The following TAF8 variants were observed in gnomAD, a reference collection of about 807,000 sequenced individuals.
TAF8 encodes the protein transcription initiation factor TFIID subunit 8.
Under a neutral mutation model 36.5 loss-of-function variants are expected in TAF8, and 47 were observed. The ratio of observed to expected loss-of-function variants is 1.29; its 90% CI spans 1.02 to 1.64. The LOEUF is 1.64. TAF8 is among the 40% of genes most tolerant of loss of function. The pLI, the probability that TAF8 is intolerant of heterozygous loss-of-function variation, is 0.00. For synonymous variants in TAF8, 175 were observed against 159.5 expected (o/e 1.10, Z -0.73); for missense variants, 420 against 407.6 (o/e 1.03, Z -0.26).
chr6:42,069,875 A>G (rs1765505225), intron 7 of TAF8, among the ~76,000 whole-genome samples: 1 of 152,152 alleles, frequency 6.6e-6, no homozygotes, highest in African/African-American at 2.4e-5. Flanking sequence ...AAGAACCAGC[A>G]TGGAGGTGGG....
chr6:42,074,216 C>G (rs924649149), intron 7 of TAF8, among the ~76,000 whole-genome samples: 1 of 152,174 alleles, frequency 6.6e-6, no homozygotes, highest in African/African-American at 2.4e-5. Flanking sequence ...ATGGGAGGGA[C>G]TGAGAAGCGC....
chr6:42,077,096 A>T lies in TAF8; in HGVS notation c.781-4A>T, dbSNP rs768286118. On this transcript the variant is annotated splice_polypyrimidine_tract_variant and splice_region_variant and intron_variant, in intron 7 of 8. Transcript: ENST00000372977. ...TTGTGCTTTATTTTGGCTTTTGCTC[A>T]AAGGAGGATTCTGGAGCCGAGAAGG... The T allele has an allele frequency of 5.0e-6, 8 of 1,609,630 alleles. No individual in the cohort carries two copies. The highest frequency in any genetic ancestry group is 1.7e-4 in the Middle Eastern group (1 of 6,026).
chr6:42,084,959 G>A (rs1348834941), downstream of TAF8, among the ~76,000 whole-genome samples: 2 of 152,134 alleles, frequency 1.3e-5, no homozygotes, highest in Non-Finnish European at 2.9e-5. Context: ...GGGGCGTATT[G>A]CCTCTCTCCA....
At chr6:42,075,137 T>C (rs1463901991) in intron 7 of TAF8, among the ~76,000 whole-genome samples, 2 of 152,064 alleles carry the variant, frequency 1.3e-5, no homozygotes, top group Admixed American at 1.3e-4. Flanking sequence ...TGTAGAGAAA[T>C]GATAGGATGG....
chr6:42,077,775 A>G lies in TAF8; in HGVS notation c.*230A>G. ...AATGAGAATTTTTTTTTTTATTTTG[A>G]GATGGAGTCTTACTCTATCACCCAG... On this transcript the variant is annotated 3_prime_UTR_variant, in exon 9 of 9. Transcript: ENST00000372977. 1 of 1,380,370 alleles carries G rather than the reference A, an allele frequency of 7.2e-7. No individual in the cohort carries two copies. The highest frequency in any genetic ancestry group is 9.4e-7 in the Non-Finnish European group (1 of 1,065,260). The allele number at this position is 1,380,370 out of a possible 1,614,324, so 85.5% of individuals were successfully genotyped here.
rs1402832072 is a variant in TAF8, at chr6:42,079,588, G to T, written c.*2043G>T. ...TTCAACTCCTTTTATTTTGAGACAG[G>T]GTCTCGCTGTGTCGCCCCAGCTGGA... On this transcript the variant is annotated 3_prime_UTR_variant, in exon 9 of 9. Coordinates refer to ENST00000372977, the MANE Select transcript of TAF8 (RefSeq NM_138572.3). The T allele has an allele frequency of 3.1e-6, 3 of 983,158 alleles. No individual in the cohort carries two copies. The highest frequency in any genetic ancestry group is 6.2e-5 in the Admixed American group (1 of 16,216). The allele number at this position is 983,158 out of a possible 1,614,324, so 60.9% of individuals were successfully genotyped here. A position where few individuals can be genotyped will look rare whatever the true frequency, so the allele number is the denominator to read the frequency against.
intron 7 of TAF8, among the ~76,000 whole-genome samples, chr6:42,076,358 G>A (rs1469081127): frequency 6.6e-6 from 1 of 152,094 alleles, no homozygotes; most frequent in Non-Finnish European, 1.5e-5. Flanking sequence ...GCTGAAGCAG[G>A]AGAATTGCTT....
intron 2 of TAF8, among the ~76,000 whole-genome samples, chr6:42,052,147 A>C (rs918199582): frequency 2.6e-5 from 4 of 152,188 alleles, no homozygotes; most frequent in Non-Finnish European, 5.9e-5. Context: ...AGTGTAAGTG[A>C]GATGTATATA....
chr6:42,056,288 T>C, intron 4 of TAF8: 2 of 322,060 alleles, frequency 6.2e-6, no homozygotes, highest in South Asian at 3.5e-5. Context: ...AAAATGAAAG[T>C]TTTTGTTCTT....
At chr6:42,052,862 C>T (rs1764846574) in intron 2 of TAF8, among the ~76,000 whole-genome samples, 1 of 152,076 alleles carries the variant, frequency 6.6e-6, no homozygotes, top group Admixed American at 6.5e-5. Flanking sequence ...AAGTGGACAA[C>T]TTAGCCAGGA....
At chr6:42,061,365 C>G (rs894401699) in intron 5 of TAF8, among the ~76,000 whole-genome samples, 5 of 152,166 alleles carry the variant, frequency 3.3e-5, no homozygotes, top group Admixed American at 6.5e-5. Flanking sequence ...ACACCATTCA[C>G]TCTTCTATTT....
rs761539722 is a variant in TAF8 at position 42,077,159 on chromosome 6, G to C, written c.840G>C (p.Ser280=). The change falls in exon 8 of 9, where the codon TCG becomes TCC. Residue 280 remains serine (S), a synonymous_variant. Coordinates refer to ENST00000372977, the MANE Select transcript of TAF8 (RefSeq NM_138572.3). ...TSVLQQNPSL[S]GSRNGEENII... ...TCCTGCAGCAGAACCCCTCCTTGTC[G>C]GGTAGCCGGAATGGGGAGGAGAACA... 7.4e-6 allele frequency: 12 copies of C among 1,614,056 alleles called. No individual in the cohort carries two copies. Among genetic ancestry groups the C allele is most frequent in the Non-Finnish European group, 9.3e-6 (11 of 1,180,012 alleles).
In TAF8 at chr6:42,080,027, C is replaced by T; in HGVS notation, c.*2482C>T. The T allele has an allele frequency of 1.0e-6, 1 of 985,148 alleles. No homozygotes were observed. The highest frequency in any genetic ancestry group is 1.1e-4 in the East Asian group (1 of 8,820). 61.0% of individuals were successfully genotyped at this position (985,148 alleles called of 1,614,324 possible). A position where few individuals can be genotyped will look rare whatever the true frequency, so the allele number is the denominator to read the frequency against. On this transcript the variant is annotated 3_prime_UTR_variant, in exon 9 of 9. Coordinates refer to ENST00000372977, the MANE Select transcript of TAF8 (RefSeq NM_138572.3). Reference sequence around the variant, plus strand: ...AAAAAAATTGGATTCCCCAACTGGACTAAATAGGAGTTTTTCAGGTTTGTA... The same window carrying T: ...AAAAAAATTGGATTCCCCAACTGGATTAAATAGGAGTTTTTCAGGTTTGTA...
chr6:42,067,077 T>C (rs973540302), intron 6 of TAF8, among the ~76,000 whole-genome samples: 1 of 152,216 alleles, frequency 6.6e-6, no homozygotes, highest in African/African-American at 2.4e-5. Flanking sequence ...GATATATCAC[T>C]ACCTTCATAG....
Position 42,071,311 on chromosome 6 carries a change from C to CTTTTTTT in TAF8, c.780+2731_780+2737dup, listed in dbSNP as rs70987566. ...TGAAGGTCTTATTTGCCTGGACATA[C>CTTTTTTT]TTTTTTTTTTTTTTTTTTTTTTTTT... On this transcript the variant is annotated intron_variant, in intron 7 of 8. Transcript: ENST00000372977. 1.1e-4 allele frequency: 13 copies of CTTTTTTT among 121,728 alleles called. 1 individual carries two copies. Among genetic ancestry groups the CTTTTTTT allele is most frequent in the African/African-American group, 4.9e-4 (9 of 18,274 alleles). The allele number at this position is 121,728 out of a possible 1,614,324, so 7.5% of individuals were successfully genotyped here.
chr6:42,057,562 G>A, intron 5 of TAF8, 49 bp downstream of exon 5: 1 of 1,605,426 alleles, frequency 6.2e-7, no homozygotes, highest in Non-Finnish European at 8.5e-7. Context: ...CACGGAGTCA[G>A]TTCCTACTGA....
At chr6:42,086,673 C>G (rs1244656037), downstream of TAF8, 9 of 1,549,344 alleles carry the variant, frequency 5.8e-6, no homozygotes, top group Non-Finnish European at 7.9e-6. Flanking sequence ...TCCTGACAAT[C>G]CAAATAGAAT....
chr6:42,054,578 A>G (rs1040549779), intron 2 of TAF8, among the ~76,000 whole-genome samples: 1 of 151,826 alleles, frequency 6.6e-6, no homozygotes, highest in Non-Finnish European at 1.5e-5. Flanking sequence ...TTTTATGTCT[A>G]CCTTATTTCA....
At position 42,077,213 on chromosome 6, in the gene TAF8, G is replaced by A. The variant is rs770317889; in HGVS notation, c.894G>A (p.Val298=). Residue 298 remains valine (V), a synonymous_variant, in exon 8 of 9, where the codon GTG becomes GTA. Coordinates refer to ENST00000372977, the MANE Select transcript of TAF8 (RefSeq NM_138572.3). The stretch of plus-strand genomic sequence containing the variant: ...TCGATAACCCTTATCTGCGGCCGGT[G>A]AAGAAGCCCAAGATCCGCAGGAAGA... ...NIIDNPYLRP[V]KKPKIRRKKS... is the part of the protein sequence containing the mutation. 1.2e-6 allele frequency: 2 copies of A among 1,613,738 alleles called. No individual in the cohort carries two copies. The highest frequency in any genetic ancestry group is 2.7e-5 in the African/African-American group (2 of 74,920).
Sources: allele counts gnomAD v4.1 joint callset (sites outside exome capture counted in the v4.1 genomes callset), GRCh38; gene constraint gnomAD v4.1.1; transcripts MANE v1.5; gene names NCBI Gene and HGNC (gene_info 2026-07-23, HGNC 2026-07-21).